The following SGCD variants were observed in gnomAD, a reference collection of about 807,000 sequenced individuals.
The protein encoded by SGCD is sarcoglycan delta, also known as delta-sarcoglycan.
SGCD carries 18 observed loss-of-function variants against 36.6 expected under a neutral mutation model. The ratio of observed to expected loss-of-function variants is 0.49; its 90% CI spans 0.34 to 0.73. The LOEUF is 0.73. Among genes scored for constraint, SGCD ranks in the 30% least tolerant of loss-of-function variants. The pLI is 0.01. For missense variants in SGCD, 387 were observed against 346.7 expected (o/e 1.12, Z -0.92); for synonymous variants, 133 against 130.6 (o/e 1.02, Z -0.12).
intron 1 of SGCD, among the ~76,000 whole-genome samples, chr5:156,086,495 G>T (rs1234198894): frequency 6.6e-6 from 1 of 152,210 alleles, no homozygotes; most frequent in African/African-American, 2.4e-5. Context: ...GTTCTTAAGG[G>T]CACTCAGGAG....
the SGCD span, among the ~76,000 whole-genome samples, chr5:155,855,815 G>A: frequency 6.6e-6 from 1 of 152,142 alleles, no homozygotes; most frequent in Non-Finnish European, 1.5e-5. Flanking sequence ...GGGAGGTCAA[G>A]TCAGGAGAAT....
chr5:156,018,118 C>T (rs910829762), intron 1 of SGCD, among the ~76,000 whole-genome samples: 2 of 152,126 alleles, frequency 1.3e-5, no homozygotes, highest in African/African-American at 4.8e-5. Flanking sequence ...CATAATTGCA[C>T]CACTGCAATC....
intron 3 of SGCD, among the ~76,000 whole-genome samples, chr5:156,496,168 G>A (rs1054307002): frequency 7.2e-5 from 11 of 152,176 alleles, no homozygotes; most frequent in Middle Eastern, 6.8e-3. Flanking sequence ...AAGTACAAAT[G>A]ACCTTAATGT....
the SGCD span, among the ~76,000 whole-genome samples, chr5:155,736,319 ACT>A: frequency 4.6e-5 from 7 of 151,990 alleles, no homozygotes; most frequent in African/African-American, 1.2e-4. Context: ...AACTAACAAG[ACT>A]CTGATTATTC....
At chr5:156,426,774 CT>C (rs1177468439) in intron 3 of SGCD, among the ~76,000 whole-genome samples, 1 of 151,650 alleles carries the variant, frequency 6.6e-6, no homozygotes, top group East Asian at 1.9e-4. Flanking sequence ...CATTCTTCTA[CT>C]TGTGGCTTGT....
chr5:156,073,285 G>A (rs562977022), intron 1 of SGCD, among the ~76,000 whole-genome samples: 2 of 152,052 alleles, frequency 1.3e-5, no homozygotes, highest in Non-Finnish European at 2.9e-5. Context: ...TCTCACCCAG[G>A]CCAGTCTCCT....
At chr5:156,619,051 C>T (rs921284235) in intron 6 of SGCD, among the ~76,000 whole-genome samples, 2 of 148,554 alleles carry the variant, frequency 1.3e-5, no homozygotes, top group East Asian at 2.0e-4. Context: ...TCTGAGACAG[C>T]GTATCGCTCT....
At chr5:155,765,426 AGAGGGAGGAGGGAGGGTGG>A in the SGCD span, among the ~76,000 whole-genome samples, 1 of 90,032 alleles carries the variant, frequency 1.1e-5, no homozygotes, top group African/African-American at 4.5e-5. Flanking sequence ...AGGAAGGGAA[AGAGGGAGGAGGGAGGGTGG>A]GAGGGAGGAA....
chr5:156,396,690 A>T (rs1175356003), intron 3 of SGCD, among the ~76,000 whole-genome samples: 1 of 152,142 alleles, frequency 6.6e-6, no homozygotes, highest in Admixed American at 6.5e-5. Flanking sequence ...CATGTGTGGG[A>T]GACAGAAAAA....
the SGCD span, among the ~76,000 whole-genome samples, chr5:155,775,410 A>G: frequency 1.3e-5 from 2 of 152,124 alleles, no homozygotes; most frequent in Non-Finnish European, 2.9e-5. Context: ...AACCCATGAG[A>G]CAGAGACTCA....
At chr5:155,737,370 T>C in the SGCD span, among the ~76,000 whole-genome samples, 1 of 152,214 alleles carries the variant, frequency 6.6e-6, no homozygotes, top group East Asian at 1.9e-4. Flanking sequence ...ATTATTTACT[T>C]GCACATTTAC....
the SGCD span, among the ~76,000 whole-genome samples, chr5:155,864,854 C>A: frequency 6.6e-6 from 1 of 152,106 alleles, no homozygotes; most frequent in Non-Finnish European, 1.5e-5. Flanking sequence ...AAATAGGAAC[C>A]CATCTTTTAG....
At chr5:156,060,775 A>G (rs1376835112) in intron 1 of SGCD, among the ~76,000 whole-genome samples, 2 of 146,150 alleles carry the variant, frequency 1.4e-5, no homozygotes, top group South Asian at 2.1e-4. Context: ...GTGGGAAATA[A>G]TATACTTTTT....
chr5:156,045,134 T>A (rs1759731619), intron 1 of SGCD, among the ~76,000 whole-genome samples: 1 of 152,140 alleles, frequency 6.6e-6, no homozygotes, highest in South Asian at 2.1e-4. Flanking sequence ...ATCAGGAGCC[T>A]ACTTTCTCAA....
chr5:155,883,517 C>T (rs946754733), intron 1 of SGCD, among the ~76,000 whole-genome samples: 3 of 151,728 alleles, frequency 2.0e-5, no homozygotes, highest in Non-Finnish European at 4.4e-5. Context: ...ATAGGGAGTC[C>T]CCAAGAGAGA....
intron 3 of SGCD, among the ~76,000 whole-genome samples, chr5:156,360,771 C>T (rs1316160117): frequency 2.6e-5 from 4 of 152,052 alleles, no homozygotes; most frequent in Admixed American, 2.6e-4. Flanking sequence ...CTTCCCATCC[C>T]CTCTCCAGCT....
At chr5:156,397,418 A>G (rs1771917484) in intron 3 of SGCD, among the ~76,000 whole-genome samples, 1 of 152,202 alleles carries the variant, frequency 6.6e-6, no homozygotes, top group Admixed American at 6.5e-5. Context: ...AACAATCCCC[A>G]AATTGGATTT....
intron 4 of SGCD, among the ~76,000 whole-genome samples, chr5:156,536,449 C>T (rs1163055907): frequency 1.3e-5 from 2 of 152,148 alleles, no homozygotes; most frequent in African/African-American, 4.8e-5. Flanking sequence ...TAGTCATCAT[C>T]GCATTTATTT....
chr5:156,026,465 T>C (rs3097811), intron 1 of SGCD, among the ~76,000 whole-genome samples: 85,638 of 151,986 alleles, frequency 0.56, 24,549 homozygotes, highest in East Asian at 0.74. Context: ...ACCCCAATCT[T>C]GGAACCAGTA....
Sources: gnomAD v4.1 joint callset for allele counts (sites outside exome capture counted in the v4.1 genomes callset) on GRCh38, gnomAD v4.1.1 for gene constraint, MANE v1.5 for transcripts, NCBI Gene and HGNC (gene_info 2026-07-23, HGNC 2026-07-21) for gene names.